The following SRP19 variants were observed in gnomAD, a reference collection of about 807,000 sequenced individuals.
The protein encoded by SRP19 is signal recognition particle 19 kDa protein.
In SRP19, 11 loss-of-function variants were observed where a neutral mutation model predicts 22.4. The ratio of observed to expected loss-of-function variants is 0.49; its 90% CI spans 0.31 to 0.81. SRP19 has a LOEUF of 0.81. Among genes scored for constraint, SRP19 ranks in the 40% least tolerant of loss-of-function variants. SRP19 has a pLI of 0.05. For missense variants in SRP19, 168 were observed against 175.9 expected (o/e 0.96, Z 0.25); for synonymous variants, 61 against 57.6 (o/e 1.06, Z -0.27).
chr5:112,873,786 G>A (rs1212844487), downstream of SRP19, among the ~76,000 whole-genome samples: 1 of 151,236 alleles, frequency 6.6e-6, no homozygotes, highest in Non-Finnish European at 1.5e-5. Context: ...TTTTCTTTCT[G>A]TTTTTATTTT....
At chr5:112,880,086 T>C (rs191904266) in intron 4 of SRP19, among the ~76,000 whole-genome samples, 1 of 152,220 alleles carries the variant, frequency 6.6e-6, no homozygotes. Flanking sequence ...CTCTAAGTCT[T>C]TGAGTTGGTG....
At chr5:112,887,106 A>G (rs753815802) in intron 4 of SRP19, 1 of 1,613,708 alleles carries the variant, frequency 6.2e-7, no homozygotes, top group Admixed American at 1.7e-5. Flanking sequence ...TCAGGAAGAA[A>G]GGACGGATGA....
At chr5:112,884,566 C>T (rs931463439) in intron 4 of SRP19, among the ~76,000 whole-genome samples, 2 of 151,840 alleles carry the variant, frequency 1.3e-5, no homozygotes, top group East Asian at 1.9e-4. Flanking sequence ...TTGTAGAGAG[C>T]GGGTCTCCAT....
At position 112,867,775 on chromosome 5, in the gene SRP19, G is replaced by T. The variant is rs772898912; in HGVS notation, c.*238G>T. On this transcript the variant is annotated 3_prime_UTR_variant, in exon 5 of 5. Coordinates refer to ENST00000505459, the MANE Select transcript of SRP19 (RefSeq NM_003135.3). ...TGTCTTTCAATGCAGTTTTTTGGAA[G>T]AAAATATTTTTAAATGGACAATGGA... The T allele has an allele frequency of 6.9e-5, 85 of 1,223,412 alleles. No individual in the cohort carries two copies. The highest frequency in any genetic ancestry group is 8.2e-5 in the Non-Finnish European group (80 of 980,028). 75.8% of individuals were successfully genotyped at this position (1,223,412 alleles called of 1,614,324 possible). A position where few individuals can be genotyped will look rare whatever the true frequency, so the allele number is the denominator to read the frequency against.
At chr5:112,871,102 C>G (rs997964513), downstream of SRP19, among the ~76,000 whole-genome samples, 7 of 152,078 alleles carry the variant, frequency 4.6e-5, no homozygotes, top group African/African-American at 1.7e-4. Flanking sequence ...TACACCACGC[C>G]CAGCCAATTT....
In SRP19 at chr5:112,869,366, G is replaced by A. The variant is rs544776575; in HGVS notation, c.*1829G>A. 6.6e-6 allele frequency: 1 copy of A among 152,284 alleles called. No individual in the cohort carries two copies. The highest frequency in any genetic ancestry group is 6.5e-5 in the Admixed American group (1 of 15,298). 9.4% of individuals were successfully genotyped at this position (152,284 alleles called of 1,614,324 possible). A position where few individuals can be genotyped will look rare whatever the true frequency, so the allele number is the denominator to read the frequency against. ...GCCTCCCAAGTAGCTGAGACCATAG[G>A]CATGAGATTTCTCAAAATTCCTCCC... On this transcript the variant is annotated 3_prime_UTR_variant, in exon 5 of 5. Transcript: ENST00000505459.
At chr5:112,871,086 T>A (rs1767747351), downstream of SRP19, among the ~76,000 whole-genome samples, 1 of 152,074 alleles carries the variant, frequency 6.6e-6, no homozygotes, top group African/African-American at 2.4e-5. Context: ...ACTCCTGACC[T>A]CATGATACAC....
chr5:112,895,723 C>T (rs534120136), downstream of SRP19: 2 of 152,304 alleles, frequency 1.3e-5, no homozygotes, highest in African/African-American at 4.8e-5. Flanking sequence ...TATTCAGCTG[C>T]CACCTCTTAC....
At chr5:112,882,496 T>C (rs1208948301) in intron 4 of SRP19, among the ~76,000 whole-genome samples, 2 of 152,222 alleles carry the variant, frequency 1.3e-5, no homozygotes, top group African/African-American at 4.8e-5. Flanking sequence ...CCACCTACTC[T>C]GTAGCTATAC....
At chr5:112,862,757 A>G (rs1767455630) in intron 2 of SRP19, among the ~76,000 whole-genome samples, 174 bp downstream of exon 2, 1 of 152,214 alleles carries the variant, frequency 6.6e-6, no homozygotes, top group African/African-American at 2.4e-5. Flanking sequence ...CCAGAAAGGC[A>G]TTAATTCATA....
intron 4 of SRP19, among the ~76,000 whole-genome samples, chr5:112,879,826 C>G (rs1012151780): frequency 1.3e-5 from 2 of 151,962 alleles, no homozygotes; most frequent in African/African-American, 4.8e-5. Flanking sequence ...TGCCTGTAAT[C>G]GCAGCACTTT....
At chr5:112,890,361 A>G (rs561921961) in intron 4 of SRP19, among the ~76,000 whole-genome samples, 1 of 135,224 alleles carries the variant, frequency 7.4e-6, no homozygotes, top group East Asian at 2.2e-4. Flanking sequence ...AGAACACAAA[A>G]TTTAAGTCTT....
chr5:112,864,197 G>A (rs1166680051), intron 2 of SRP19, among the ~76,000 whole-genome samples: 1 of 152,134 alleles, frequency 6.6e-6, no homozygotes, highest in East Asian at 1.9e-4. Context: ...CTAGGTGCTG[G>A]GGAATACACT....
At chr5:112,872,322 C>CTTTTTCTTTTTTT (rs1767777162), downstream of SRP19, among the ~76,000 whole-genome samples, 2 of 92,692 alleles carry the variant, frequency 2.2e-5, no homozygotes, top group African/African-American at 8.1e-5. Flanking sequence ...CCAAATGATT[C>CTTTTTCTTTTTTT]TTTTTTTTTT....
Position 112,892,973 on chromosome 5 carries a change from G to A in SRP19, c.*1366G>A, listed in dbSNP as rs17135117. On this transcript the variant is annotated 3_prime_UTR_variant, in exon 5 of 5. Coordinates refer to the SRP19 transcript ENST00000391338. ...GACCAGGGCCGCCGGAGCCAGAGCC[G>A]CAGGAGCCACCGCAGCCGGAGCCAA... The A allele has an allele frequency of 0.014, 22,926 of 1,588,232 alleles. 922 individuals carry two copies. In the East Asian group the frequency reaches 0.15, roughly 10 times the overall value.
chr5:112,866,543 C>T (rs1180199137), intron 4 of SRP19, among the ~76,000 whole-genome samples: 3 of 152,056 alleles, frequency 2.0e-5, no homozygotes, highest in Non-Finnish European at 4.4e-5. Flanking sequence ...TTTCCTAAGC[C>T]AGTCTCAAAC....
rs1487611475 is a variant in SRP19, at chr5:112,861,309, C to T, written c.-68C>T. 2.5e-6 allele frequency: 4 copies of T among 1,586,882 alleles called. No homozygotes were observed. Among genetic ancestry groups the T allele is most frequent in the Admixed American group, 1.7e-5 (1 of 59,992 alleles). On this transcript the variant is annotated 5_prime_UTR_variant, in exon 1 of 5. Coordinates refer to ENST00000505459, the MANE Select transcript of SRP19 (RefSeq NM_003135.3). ...AGCGGGCTGTCTCGGAAACTCAGAG[C>T]CGGGTTCCTCCCGGGTTTCTGCCGG...
At chr5:112,898,017 C>T (rs879511700), downstream of SRP19, 2 of 152,242 alleles carry the variant, frequency 1.3e-5, no homozygotes, top group African/African-American at 4.8e-5. Context: ...CAAGATGGCA[C>T]CACTGCACTC....
intron 4 of SRP19, among the ~76,000 whole-genome samples, chr5:112,884,101 A>G (rs1237552949): frequency 6.6e-6 from 1 of 152,164 alleles, no homozygotes; most frequent in Non-Finnish European, 1.5e-5. Flanking sequence ...TGTTCCTAAT[A>G]CAGTGGCCAC....
Sources: gnomAD v4.1 joint callset for allele counts (sites outside exome capture counted in the v4.1 genomes callset) on GRCh38, gnomAD v4.1.1 for gene constraint, MANE v1.5 for transcripts, NCBI Gene and HGNC (gene_info 2026-07-23, HGNC 2026-07-21) for gene names.